The following GIGYF2 variants were observed in gnomAD, a reference collection of about 807,000 sequenced individuals.
GIGYF2 encodes the protein GRB10-interacting GYF protein 2.
A neutral mutation model predicts 208.1 loss-of-function variants in GIGYF2; 25 were observed. That is an observed-to-expected ratio of 0.12 (90% CI 0.09 to 0.17). GIGYF2 has a LOEUF of 0.17. Among genes scored for constraint, GIGYF2 ranks in the 10% least tolerant of loss-of-function variants. GIGYF2 has a pLI of 1.00. For synonymous variants in GIGYF2, 534 were observed against 543.8 expected (o/e 0.98, Z 0.25); for missense variants, 1,302 against 1,579.4 (o/e 0.82, Z 2.98).
At chr2:232,755,331 C>T (rs1188607136) in intron 5 of GIGYF2, among the ~76,000 whole-genome samples, 28 of 152,030 alleles carry the variant, frequency 1.8e-4, no homozygotes, top group African/African-American at 5.3e-4. Context: ...CCACCGCGCC[C>T]GGCTAATTTT....
intron 3 of GIGYF2, among the ~76,000 whole-genome samples, chr2:232,741,447 CTTTTTTTTTG>C (rs1697965646): frequency 7.2e-6 from 1 of 138,052 alleles, no homozygotes. Flanking sequence ...TTTTTTTTTT[CTTTTTTTTTG>C]TTTGAAATGG....
intron 27 of GIGYF2, among the ~76,000 whole-genome samples, chr2:232,848,549 C>G (rs1036680921): frequency 1.4e-4 from 21 of 152,258 alleles, no homozygotes; most frequent in African/African-American, 5.1e-4. Context: ...CAGGAAATTG[C>G]TTGAACCTGG....
chr2:232,757,697 A>C (rs1698601067), intron 6 of GIGYF2, among the ~76,000 whole-genome samples: 2 of 151,220 alleles, frequency 1.3e-5, no homozygotes, highest in Admixed American at 6.6e-5. Flanking sequence ...CCAGGGAGAG[A>C]TCTTCTTGGT....
chr2:232,848,426 G>A lies in GIGYF2; in HGVS notation c.3684+855G>A, dbSNP rs917306144. ...CGAGACAGGTGGATCATGAGGTCAGGAGTTCAAAACCAGCTTGGCCAACAT... is the reference window on the plus strand; with the variant it reads ...CGAGACAGGTGGATCATGAGGTCAGAAGTTCAAAACCAGCTTGGCCAACAT... On this transcript the variant is annotated intron_variant, in intron 27 of 28. Coordinates refer to ENST00000373563, the MANE Select transcript of GIGYF2 (RefSeq NM_001103146.3). Among the ~76,000 whole-genome samples the A allele has an allele frequency of 7.2e-5, 11 of 152,154 alleles. 1 individual carries two copies. The highest frequency in any genetic ancestry group is 1.5e-4 in the Non-Finnish European group (10 of 68,018).
intron 23 of GIGYF2, among the ~76,000 whole-genome samples, chr2:232,841,575 A>G (rs1297366580): frequency 1.3e-5 from 2 of 151,652 alleles, no homozygotes; most frequent in Non-Finnish European, 2.9e-5. Flanking sequence ...TCGGCCTCCC[A>G]AAGTGCTGGA....
At chr2:232,731,410 C>T (rs962072097) in intron 2 of GIGYF2, among the ~76,000 whole-genome samples, 2 of 152,142 alleles carry the variant, frequency 1.3e-5, no homozygotes, top group Non-Finnish European at 2.9e-5. Flanking sequence ...AGCCATTATT[C>T]AATGCTCTAA....
Position 232,858,771 on chromosome 2 carries a change from T to C in GIGYF2, c.*1911T>C, listed in dbSNP as rs1228903247. The C allele has an allele frequency of 4.4e-5, 15 of 338,728 alleles. No individual in the cohort carries two copies. The allele number at this position is 338,728 out of a possible 1,614,324, so 21.0% of individuals were successfully genotyped here. ...CTCTGCCAGACCACGTAGCACTGGC[T>C]GGTTCTGTATTTGAGAATGTAGAGG... On this transcript the variant is annotated 3_prime_UTR_variant, in exon 29 of 29. Coordinates refer to ENST00000373563, the MANE Select transcript of GIGYF2 (RefSeq NM_001103146.3).
At chr2:232,774,819 T>G (rs1282486591) in intron 8 of GIGYF2, among the ~76,000 whole-genome samples, 1 of 152,242 alleles carries the variant, frequency 6.6e-6, no homozygotes, top group African/African-American at 2.4e-5. Context: ...TTTTGTATTT[T>G]CAACCTATTT....
chr2:232,835,888 C>A (rs1351865242), intron 22 of GIGYF2, among the ~76,000 whole-genome samples: 1 of 151,768 alleles, frequency 6.6e-6, no homozygotes, highest in Admixed American at 6.6e-5. Context: ...TGAGAATATC[C>A]CTGGTGGTGC....
intron 28 of GIGYF2, among the ~76,000 whole-genome samples, chr2:232,853,777 G>A (rs892172141): frequency 6.6e-6 from 1 of 152,178 alleles, no homozygotes; most frequent in Non-Finnish European, 1.5e-5. Flanking sequence ...GATTGAATCC[G>A]TGTTTGTGTT....
In GIGYF2 at chr2:232,794,853, G is replaced by C; in HGVS notation, c.1388G>C (p.Arg463Pro). Residue 463 changes from arginine (R) to proline (P), a missense_variant, in exon 13 of 29, where the codon CGG (arginine) becomes CCG (proline). Around this residue, in one of 8 missense-constraint regions of GIGYF2, gnomAD observed 235 missense variants for 218.8 expected, o/e 1.07. Coordinates refer to ENST00000373563, the MANE Select transcript of GIGYF2 (RefSeq NM_001103146.3). Reference sequence around the variant, plus strand: ...GTTCCCAATCCTAGTCCTACTCTCCGGCCAGTTGAAACACCAGTTGTAGGT... The same window carrying C: ...GTTCCCAATCCTAGTCCTACTCTCCCGCCAGTTGAAACACCAGTTGTAGGT... ...PPVPNPSPTL[R>P]PVETPVVGAP... 1.9e-6 allele frequency: 3 copies of C among 1,613,734 alleles called. No homozygotes were observed. Among genetic ancestry groups the C allele is most frequent in the Non-Finnish European group, 2.5e-6 (3 of 1,179,790 alleles).
chr2:232,809,790 A>G lies in GIGYF2; in HGVS notation c.1877A>G (p.Gln626Arg), dbSNP rs1700675852. Residue 626 changes from glutamine to arginine, a missense_variant, in exon 16 of 29, where the codon CAG (glutamine) becomes CGG (arginine). This residue lies in a region of GIGYF2 where 701 missense variants were observed against 793.0 expected (regional missense o/e 0.88). Transcript: ENST00000373563. Reference sequence around the variant, plus strand: ...GCCTTATACCAGATGCAGCACCTGCAGTACCAGCAGTTTTTAATACAGTAA... The same window carrying G: ...GCCTTATACCAGATGCAGCACCTGCGGTACCAGCAGTTTTTAATACAGTAA... ...LTALYQMQHLQYQQFLIQQQY... is the reference protein window; with the variant it reads ...LTALYQMQHLRYQQFLIQQQY... 6.3e-7 allele frequency: 1 copy of G among 1,597,620 alleles called. No individual in the cohort carries two copies. Among genetic ancestry groups the G allele is most frequent in the Non-Finnish European group, 8.6e-7 (1 of 1,165,004 alleles).
rs1346908837 is a variant in GIGYF2 at position 232,814,568 on chromosome 2, C to A, written c.2108-1069C>A. On this transcript the variant is annotated intron_variant, in intron 18 of 28. Transcript: ENST00000373563. ...ACAGAGTGAGACTCCACCTCAAACC[C>A]CCCCCCCCCAAAAAAAAAGTACCTT... is the stretch of plus-strand genomic sequence containing the variant. 1.1e-4 allele frequency among the ~76,000 whole-genome samples: 13 copies of A among 123,536 alleles called. 2 individuals carry two copies. The highest frequency in any genetic ancestry group is 2.0e-4 in the African/African-American group (7 of 34,402). The allele number at this position is 123,536 out of a possible 152,430, so 81.0% of individuals were successfully genotyped here. A position where few individuals can be genotyped will look rare whatever the true frequency, so the allele number is the denominator to read the frequency against.
At chr2:232,785,798 G>A (rs1699890497) in intron 8 of GIGYF2, among the ~76,000 whole-genome samples, 1 of 152,224 alleles carries the variant, frequency 6.6e-6, no homozygotes, top group Non-Finnish European at 1.5e-5. Flanking sequence ...ATGTAAGATG[G>A]AATATAACAG....
intron 28 of GIGYF2, 67 bp downstream of exon 28, chr2:232,850,476 G>A: frequency 7.2e-7 from 1 of 1,380,774 alleles, no homozygotes; most frequent in South Asian, 1.2e-5. Context: ...TCCTGTGTGA[G>A]TTTCCATTGA....
chr2:232,734,775 C>A (rs1189300247), intron 2 of GIGYF2, among the ~76,000 whole-genome samples: 1 of 152,108 alleles, frequency 6.6e-6, no homozygotes, highest in Non-Finnish European at 1.5e-5. Context: ...GGAGTCATTA[C>A]TAGGAAGTAA....
At chr2:232,835,673 A>G (rs905975430) in intron 22 of GIGYF2, among the ~76,000 whole-genome samples, 4 of 152,082 alleles carry the variant, frequency 2.6e-5, no homozygotes, top group Non-Finnish European at 5.9e-5. Flanking sequence ...AGTGGAATCC[A>G]GTTCTCCCCT....
intron 15 of GIGYF2, among the ~76,000 whole-genome samples, chr2:232,807,920 A>G (rs1453992845): frequency 6.6e-6 from 1 of 152,200 alleles, no homozygotes; most frequent in Non-Finnish European, 1.5e-5. Flanking sequence ...GTCACCATTG[A>G]CTTATTCATC....
intron 8 of GIGYF2, among the ~76,000 whole-genome samples, chr2:232,782,204 T>A (rs555663654): frequency 0.014 from 2,132 of 152,216 alleles, 39 homozygotes; most frequent in African/African-American, 0.048. Context: ...TATTTCTTTT[T>A]AAAAAATTTT....
Sources: allele counts gnomAD v4.1 joint callset (sites outside exome capture counted in the v4.1 genomes callset), GRCh38; gene constraint gnomAD v4.1.1; regional missense constraint gnomAD v4.1.1; transcripts MANE v1.5; gene names NCBI Gene and HGNC (gene_info 2026-07-23, HGNC 2026-07-21).